The following ZNF213 variants were observed in gnomAD, a reference collection of about 807,000 sequenced individuals.
The protein encoded by ZNF213 is putative transcription factor CR53.
Under a neutral mutation model 46.0 loss-of-function variants are expected in ZNF213, and 32 were observed. That is an observed-to-expected ratio of 0.70 (90% confidence interval 0.52 to 0.93). ZNF213 has a LOEUF of 0.93. Ranked by LOEUF, ZNF213 falls within the 40% of genes least tolerant of loss-of-function variation. The pLI, the probability that ZNF213 is intolerant of heterozygous loss-of-function variation, is 0.00. For missense variants in ZNF213, 639 were observed against 652.8 expected (o/e 0.98, Z 0.23); for synonymous variants, 297 against 271.0 (o/e 1.10, Z -0.94).
At chr16:3,138,388 G>A (rs372391601) in intron 2 of ZNF213, 30 bp from the exon 3 acceptor site, 2 of 1,612,956 alleles carry the variant, frequency 1.2e-6, no homozygotes, top group Non-Finnish European at 1.7e-6. Context: ...CTGGTCTCGG[G>A]CTGATGAGCA....
chr16:3,141,212 C>T lies in ZNF213; in HGVS notation c.1245C>T (p.Tyr415=). 1 of 1,612,660 alleles carries T rather than the reference C, an allele frequency of 6.2e-7. No individual in the cohort carries two copies. The change falls in exon 6 of 6, where the codon TAC becomes TAT. Residue 415 remains tyrosine, a synonymous_variant. Coordinates refer to ENST00000396878, the MANE Select transcript of ZNF213 (RefSeq NM_004220.3). The part of the protein sequence containing the change: ...DCGKSFSLRS[Y]LLDHRRVHTG... ...GCAAGAGCTTCTCGCTGCGCTCCTACCTGCTGGACCATCGGCGTGTGCACA... is the reference window on the plus strand; with the variant it reads ...GCAAGAGCTTCTCGCTGCGCTCCTATCTGCTGGACCATCGGCGTGTGCACA...
In ZNF213 at chr16:3,140,789, C is replaced by G; in HGVS notation, c.822C>G (p.Pro274=). 1 of 1,594,926 alleles carries G rather than the reference C, an allele frequency of 6.3e-7. No homozygotes were observed. Among genetic ancestry groups the G allele is most frequent in the Non-Finnish European group, 8.5e-7 (1 of 1,172,866 alleles). The change falls in exon 6 of 6, where the codon CCC becomes CCG. Residue 274 remains proline (P), a synonymous_variant. Transcript: ENST00000396878. ...GCGACGTGACTGTGTCCTGGAGCCC[C>G]GAGGAGGCTGAGGCCTGGGAGAGCG... ...TGSDVTVSWS[P]EEAEAWESEN...
intron 1 of ZNF213, among the ~76,000 whole-genome samples, chr16:3,136,204 A>G (rs1596305509): frequency 6.6e-6 from 1 of 152,344 alleles, no homozygotes; most frequent in Middle Eastern, 3.4e-3. Context: ...GTAGAGAGTA[A>G]CAATGTAAGG....
Position 3,139,064 on chromosome 16 carries a change from C to A in ZNF213, c.687C>A (p.Asp229Glu), listed in dbSNP as rs775320694. 1.2e-6 allele frequency: 2 copies of A among 1,614,074 alleles called. No individual in the cohort carries two copies. The highest frequency in any genetic ancestry group is 2.2e-5 in the East Asian group (1 of 44,858). The change falls in exon 5 of 6, where the codon GAC becomes GAA. Residue 229 changes from aspartate to glutamate, a missense_variant. By Grantham distance (45) the Asp-to-Glu change is conservative. Transcript: ENST00000396878. ...CTGCTCAGCGGGATCTCTTCTGGGA[C>A]ATAAAGCGGGAGAACTCCCGGAACA... ...LDPAQRDLFWDIKRENSRNTT... is the reference protein window; with the variant it reads ...LDPAQRDLFWEIKRENSRNTT...
Position 3,141,116 on chromosome 16 carries a change from C to T in ZNF213, c.1149C>T (p.Ser383=), listed in dbSNP as rs747276157. 2 of 1,612,746 alleles carry T rather than the reference C, an allele frequency of 1.2e-6. No individual in the cohort carries two copies. The highest frequency in any genetic ancestry group is 8.5e-7 in the Non-Finnish European group (1 of 1,179,526). ...GTTCCGAGTGCGGCAAGAGCTTCAG[C>T]CGCAGCGCCTACCTGGCCGACCACC... ...FSCSECGKSF[S]RSAYLADHQR... is the part of the protein sequence containing the mutation. The change falls in exon 6 of 6, where the codon AGC becomes AGT. Residue 383 remains serine, a synonymous_variant. Coordinates refer to ENST00000396878, the MANE Select transcript of ZNF213 (RefSeq NM_004220.3).
intron 1 of ZNF213, among the ~76,000 whole-genome samples, chr16:3,136,444 G>A (rs1023984620): frequency 2.0e-5 from 3 of 152,132 alleles, no homozygotes; most frequent in East Asian, 1.9e-4. Flanking sequence ...TAGGCCGGGC[G>A]CAGTGGCTCA....
At position 3,141,131 on chromosome 16, in the gene ZNF213, G is replaced by T. The variant is rs150219616; in HGVS notation, c.1164G>T (p.Leu388=). The change falls in exon 6 of 6, where the codon CTG becomes CTT. Residue 388 remains leucine, a synonymous_variant. Transcript: ENST00000396878. ...CGKSFSRSAY[L]ADHQRIHTGE... ...AGAGCTTCAGCCGCAGCGCCTACCTGGCCGACCACCAGCGCATACACACGG... is the reference window on the plus strand; with the variant it reads ...AGAGCTTCAGCCGCAGCGCCTACCTTGCCGACCACCAGCGCATACACACGG... The T allele has an allele frequency of 2.4e-3, 3,860 of 1,612,670 alleles. 15 individuals are homozygous for T. Among genetic ancestry groups the T allele is most frequent in the Non-Finnish European group, 2.8e-3 (3,328 of 1,179,778 alleles).
chr16:3,138,240 GCA>G lies in ZNF213; in HGVS notation c.400-173_400-172del. On this transcript the variant is annotated intron_variant, in intron 2 of 5. Transcript: ENST00000396878. The stretch of plus-strand genomic sequence containing the variant: ...GTGAATGATCGGGGAGCATCCTTGG[GCA>G]CACAGCATTACCTGGTATCACATTC... The G allele has an allele frequency of 3.2e-6, 4 of 1,238,878 alleles. No individual in the cohort carries two copies. In the South Asian group the frequency reaches 6.0e-5, roughly 19 times the overall value. 76.7% of individuals were successfully genotyped at this position (1,238,878 alleles called of 1,614,324 possible).
At chr16:3,138,889 T>A in intron 4 of ZNF213, 71 bp downstream of exon 4, 3 of 1,613,498 alleles carry the variant, frequency 1.9e-6, no homozygotes, top group Non-Finnish European at 2.5e-6. Context: ...GGACTTGCTG[T>A]CCCATCAGGC....
rs1316630877 is a variant in ZNF213 at position 3,141,236 on chromosome 16, C to T, written c.1269C>T (p.His423=). The change falls in exon 6 of 6, where the codon CAC becomes CAT. Residue 423 remains histidine (H), a synonymous_variant. Coordinates refer to ENST00000396878, the MANE Select transcript of ZNF213 (RefSeq NM_004220.3). ...RSYLLDHRRV[H]TGERPFGCGE... The stretch of plus-strand genomic sequence containing the variant: ...ACCTGCTGGACCATCGGCGTGTGCA[C>T]ACCGGTGAGCGGCCCTTCGGCTGCG... 1.9e-6 allele frequency: 3 copies of T among 1,612,600 alleles called. No individual in the cohort carries two copies. The highest frequency in any genetic ancestry group is 1.7e-5 in the Admixed American group (1 of 60,018).
rs1324804958 is a variant in ZNF213 at position 3,140,753 on chromosome 16, C to A, written c.786C>A (p.Gly262=). 3 of 1,554,892 alleles carry A rather than the reference C, an allele frequency of 1.9e-6. No individual in the cohort carries two copies. The highest frequency in any genetic ancestry group is 2.8e-5 in the African/African-American group (2 of 71,076). ...LLQEMVPVVP[G]QTGSDVTVSW... is the part of the protein sequence containing the mutation. ...AGGAGATGGTGCCGGTGGTGCCAGGCCAGACAGGCAGCGACGTGACTGTGT... is the reference window on the plus strand; with the variant it reads ...AGGAGATGGTGCCGGTGGTGCCAGGACAGACAGGCAGCGACGTGACTGTGT... The change falls in exon 6 of 6, where the codon GGC becomes GGA. Residue 262 remains glycine, a synonymous_variant. Transcript: ENST00000396878.
In ZNF213 at chr16:3,135,077, C is replaced by T. The variant is rs964548144; in HGVS notation, c.-426C>T. 9.0e-6 allele frequency: 1 copy of T among 110,802 alleles called. No homozygotes were observed. The highest frequency in any genetic ancestry group is 1.8e-5 in the Non-Finnish European group (1 of 56,800). 6.9% of individuals were successfully genotyped at this position (110,802 alleles called of 1,614,324 possible). The stretch of plus-strand genomic sequence containing the variant: ...CGCGGCGGAAGTGGGATCTCCTGGG[C>T]CGTAGTGGGCGTTGTGTGTTTCGGG... On this transcript the variant is annotated 5_prime_UTR_variant, in exon 1 of 6. Transcript: ENST00000396878.
chr16:3,138,225 G>A (rs978236752), intron 2 of ZNF213, 193 bp from the exon 3 acceptor site: 14 of 1,113,212 alleles, frequency 1.3e-5, no homozygotes, highest in African/African-American at 3.2e-5. Context: ...GTGAATGATC[G>A]GGGAGCATCC....
Position 3,140,915 on chromosome 16 carries a change from G to T in ZNF213, c.948G>T (p.Pro316=), listed in dbSNP as rs761123238. 1.9e-6 allele frequency: 3 copies of T among 1,590,756 alleles called. No homozygotes were observed. The African/African-American group carries it at 4.0e-5, about 21-fold the overall frequency. The change falls in exon 6 of 6, where the codon CCG becomes CCT. Residue 316 remains proline (P), a synonymous_variant. Transcript: ENST00000396878. ...TCCGGGACCTGGCAGCCGAGAAGCC[G>T]CACAGCTGCGGGCAGTGTGGAAAGC... is the stretch of plus-strand genomic sequence containing the variant. ...RQFRDLAAEK[P]HSCGQCGKRF...
In ZNF213 at chr16:3,136,182, A is replaced by G. The variant is rs549310796; in HGVS notation, c.-116+795A>G. The stretch of plus-strand genomic sequence containing the variant: ...AAAATCGATTACTGAAAATTGCATA[A>G]TACACTTTTCAGTAGAGAGTAACAA... On this transcript the variant is annotated intron_variant, in intron 1 of 5. Coordinates refer to ENST00000396878, the MANE Select transcript of ZNF213 (RefSeq NM_004220.3). Among the ~76,000 whole-genome samples the G allele has an allele frequency of 1.3e-4, 20 of 152,308 alleles. No individual in the cohort carries two copies. The South Asian group carries it at 3.7e-3, about 28-fold the overall frequency.
rs772350215 is a variant in ZNF213 at position 3,138,727 on chromosome 16, TC to T, written c.524-16del. On this transcript the variant is annotated splice_polypyrimidine_tract_variant and intron_variant, in intron 3 of 5. Coordinates refer to ENST00000396878, the MANE Select transcript of ZNF213 (RefSeq NM_004220.3). ...AAGCCTGGGCTGGCCTTTCTAAGGC[TC>T]CATTCTTCTCCTTCAGCCCAGCCTC... The T allele has an allele frequency of 1.2e-6, 2 of 1,614,018 alleles. No homozygotes were observed. The highest frequency in any genetic ancestry group is 1.7e-5 in the Admixed American group (1 of 60,012).
At chr16:3,138,715 C>G in intron 3 of ZNF213, 30 bp from the exon 4 acceptor site, 1 of 1,613,782 alleles carries the variant, frequency 6.2e-7, no homozygotes, top group Non-Finnish European at 8.5e-7. Flanking sequence ...CCTGGGCTGG[C>G]CTTTCTAAGG....
intron 1 of ZNF213, 23 bp downstream of exon 1, chr16:3,135,410 GAA>G (rs1438464440): frequency 2.6e-5 from 4 of 152,256 alleles, no homozygotes; most frequent in Admixed American, 2.6e-4. Flanking sequence ...CCTCTTCGAG[GAA>G]AGTCTTCTTC....
At chr16:3,139,259 T>C in intron 5 of ZNF213, 161 bp downstream of exon 5, 2 of 1,145,638 alleles carry the variant, frequency 1.7e-6, no homozygotes, top group Non-Finnish European at 2.4e-6. Context: ...TCAGTTTTTG[T>C]GCGTTTCCAC....
Sources: allele counts gnomAD v4.1 joint callset (sites outside exome capture counted in the v4.1 genomes callset), GRCh38; gene constraint gnomAD v4.1.1; transcripts MANE v1.5; gene names NCBI Gene and HGNC (gene_info 2026-07-23, HGNC 2026-07-21).